CFAP61: variants seen among roughly 807,000 people sequenced by gnomAD.
CFAP61 encodes cilia and flagella associated protein 61.
A neutral mutation model predicts 135.6 loss-of-function variants in CFAP61; 107 were observed. That is an observed-to-expected ratio of 0.79 (90% CI 0.67 to 0.93). The LOEUF (loss-of-function observed/expected upper bound fraction) is 0.93, where lower values mean the gene tolerates loss of function less well. Among genes scored for constraint, CFAP61 ranks in the 40% least tolerant of loss-of-function variants. CFAP61 has a pLI of 0.00. For missense variants in CFAP61, 1,507 were observed against 1,556.2 expected, an observed-to-expected ratio of 0.97 and a Z score of 0.53; for synonymous variants, 575 against 578.5, an observed-to-expected ratio of 0.99 and a Z score of 0.09.
chr20:20,095,813 GA>G (rs1302537926), intron 7 of CFAP61: 2 of 152,238 alleles, frequency 1.3e-5, no homozygotes, highest in South Asian at 2.1e-4. Flanking sequence ...TGGTCACAAT[GA>G]GGGCAAAACC....
intron 13 of CFAP61, among the ~76,000 whole-genome samples, chr20:20,172,506 C>T (rs2054299293): frequency 6.6e-6 from 1 of 151,988 alleles, no homozygotes. Flanking sequence ...TTTGTACAGA[C>T]AGGGTTTCAT....
chr20:20,274,736 A>C (rs1376993758), intron 21 of CFAP61, among the ~76,000 whole-genome samples: 8 of 152,174 alleles, frequency 5.3e-5, no homozygotes, highest in African/African-American at 1.9e-4. Flanking sequence ...ACATATTAAT[A>C]ACTAGTTTTT....
chr20:20,273,110 G>A (rs1385478521), intron 21 of CFAP61, among the ~76,000 whole-genome samples: 1 of 148,428 alleles, frequency 6.7e-6, no homozygotes, highest in African/African-American at 2.5e-5. Context: ...CGAACTCCTG[G>A]CCTCAAGCAG....
chr20:20,334,183 G>T (rs2058094691), intron 25 of CFAP61, among the ~76,000 whole-genome samples: 1 of 152,168 alleles, frequency 6.6e-6, no homozygotes, highest in South Asian at 2.1e-4. Flanking sequence ...CTAGAGAGCA[G>T]TGGCACAATC....
intron 9 of CFAP61, among the ~76,000 whole-genome samples, chr20:20,151,889 C>G (rs2052466085): frequency 7.0e-6 from 1 of 142,060 alleles, no homozygotes. Flanking sequence ...GGAAAAAGAT[C>G]ATCACCCAGG....
intron 21 of CFAP61, among the ~76,000 whole-genome samples, chr20:20,269,117 C>CTATA (rs142189443): frequency 0.026 from 2,675 of 104,402 alleles, 56 homozygotes; most frequent in African/African-American, 0.031. Flanking sequence ...TATTCGTGGG[C>CTATA]TATATATATA....
intron 2 of CFAP61, among the ~76,000 whole-genome samples, chr20:20,057,248 A>G (rs1283011244): frequency 6.6e-6 from 1 of 152,112 alleles, no homozygotes; most frequent in Non-Finnish European, 1.5e-5. Flanking sequence ...AAAAAATTGT[A>G]GCAAGAAATC....
At chr20:20,259,723 C>A (rs2052002048) in intron 20 of CFAP61, 1 of 152,128 alleles carries the variant, frequency 6.6e-6, no homozygotes, top group African/African-American at 2.4e-5. Context: ...CTGCTTGTAT[C>A]TCCTGACCAC....
At chr20:20,146,054 A>G (rs1191306609) in intron 9 of CFAP61, among the ~76,000 whole-genome samples, 6 of 152,176 alleles carry the variant, frequency 3.9e-5, no homozygotes, top group Non-Finnish European at 7.4e-5. Flanking sequence ...GCATCCCATC[A>G]AATGTGACAC....
intron 25 of CFAP61, chr20:20,322,926 T>C (rs1299693022): frequency 2.9e-5 from 29 of 985,472 alleles, no homozygotes; most frequent in Non-Finnish European, 3.4e-5. Flanking sequence ...AGCTTATTTA[T>C]TGAATTAGAC....
chr20:20,168,131 T>A (rs980467502), intron 12 of CFAP61, among the ~76,000 whole-genome samples: 1 of 152,148 alleles, frequency 6.6e-6, no homozygotes, highest in East Asian at 1.9e-4. Flanking sequence ...GCATGCAATG[T>A]CACAATCATA....
At chr20:20,154,423 T>A (rs2052709979) in intron 9 of CFAP61, among the ~76,000 whole-genome samples, 1 of 152,148 alleles carries the variant, frequency 6.6e-6, no homozygotes, top group African/African-American at 2.4e-5. Flanking sequence ...CTGTCGCTAT[T>A]CACTGATAAT....
intron 17 of CFAP61, among the ~76,000 whole-genome samples, chr20:20,205,911 T>G (rs141076010): frequency 9.5e-4 from 144 of 152,042 alleles, no homozygotes; most frequent in African/African-American, 3.2e-3. Flanking sequence ...ATTATACATT[T>G]CCCAAGATTC....
intron 17 of CFAP61, among the ~76,000 whole-genome samples, chr20:20,212,552 T>C (rs983380502): frequency 3.3e-5 from 5 of 152,174 alleles, no homozygotes; most frequent in African/African-American, 1.2e-4. Flanking sequence ...CTGAGCCTGT[T>C]TCTCTACCCC....
chr20:20,248,605 A>C (rs1219884791), intron 19 of CFAP61, among the ~76,000 whole-genome samples: 1 of 152,236 alleles, frequency 6.6e-6, no homozygotes. Context: ...CTAATTGGAC[A>C]ATCAGCACTG....
chr20:20,064,031 A>AACC (rs1555833215), intron 2 of CFAP61, among the ~76,000 whole-genome samples: 1 of 95,916 alleles, frequency 1.0e-5, no homozygotes, highest in South Asian at 3.9e-4. Flanking sequence ...TAAATAGAGT[A>AACC]ACCGCCCCCC....
intron 6 of CFAP61, among the ~76,000 whole-genome samples, chr20:20,086,788 A>G (rs2046835295): frequency 6.6e-6 from 1 of 152,204 alleles, no homozygotes; most frequent in Non-Finnish European, 1.5e-5. Context: ...GGTTGGGAAG[A>G]TGCCACACCT....
At chr20:20,255,767 T>C (rs2051494799) in intron 20 of CFAP61, among the ~76,000 whole-genome samples, 1 of 152,234 alleles carries the variant, frequency 6.6e-6, no homozygotes, top group African/African-American at 2.4e-5. Flanking sequence ...GAAAACTGGC[T>C]GTTTTAAAAA....
At chr20:20,067,674 T>G (rs1024669519) in intron 2 of CFAP61, among the ~76,000 whole-genome samples, 2 of 139,116 alleles carry the variant, frequency 1.4e-5, no homozygotes, top group African/African-American at 5.3e-5. Flanking sequence ...ATATATATAT[T>G]TATATTATAT....
Sources: allele counts gnomAD v4.1 joint callset (sites outside exome capture counted in the v4.1 genomes callset), GRCh38; gene constraint gnomAD v4.1.1; transcripts MANE v1.5; gene names NCBI Gene and HGNC (gene_info 2026-07-23, HGNC 2026-07-21).